Variants in DLG2 observed in about 807,000 individuals in gnomAD.
The protein encoded by DLG2 is disks large homolog 2.
Under a neutral mutation model 132.5 loss-of-function variants are expected in DLG2, and 45 were observed. That is an observed-to-expected ratio of 0.34 (90% CI 0.27 to 0.44). The LOEUF is 0.44. Ranked by LOEUF, DLG2 falls within the 20% of genes least tolerant of loss-of-function variation. The pLI, the probability that DLG2 is intolerant of heterozygous loss-of-function variation, is 1.00. For synonymous variants in DLG2, 424 were observed against 419.6 expected (o/e 1.01, Z -0.13); for missense variants, 1,045 against 1,196.9 (o/e 0.87, Z 1.87).
chr11:83,713,681 G>A (rs1290672446), intron 18 of DLG2, among the ~76,000 whole-genome samples: 1 of 152,192 alleles, frequency 6.6e-6, no homozygotes, highest in Non-Finnish European at 1.5e-5. Context: ...ATATGCAATG[G>A]AAAATATGCT....
At chr11:83,874,207 AAGAC>A (rs1181163234) in intron 16 of DLG2, among the ~76,000 whole-genome samples, 18 of 135,232 alleles carry the variant, frequency 1.3e-4, no homozygotes, top group Admixed American at 8.0e-4. Flanking sequence ...AAGAGAAAGA[AAGAC>A]AGAAAAAAAG....
At chr11:84,601,731 T>G (rs546077272) in intron 6 of DLG2, among the ~76,000 whole-genome samples, 14 of 152,238 alleles carry the variant, frequency 9.2e-5, no homozygotes, top group African/African-American at 3.4e-4. Context: ...TAAGTAAATT[T>G]AAAAAATATA....
At chr11:84,375,773 A>T (rs1475635954) in intron 7 of DLG2, among the ~76,000 whole-genome samples, 1 of 151,952 alleles carries the variant, frequency 6.6e-6, no homozygotes, top group Non-Finnish European at 1.5e-5. Flanking sequence ...CTGCTTTGTC[A>T]TTTATACATT....
chr11:85,121,778 C>T (rs561217816), intron 5 of DLG2, among the ~76,000 whole-genome samples: 18 of 152,280 alleles, frequency 1.2e-4, no homozygotes, highest in South Asian at 4.1e-4. Flanking sequence ...TGAATAGTTT[C>T]TCCATCAGAG....
intron 7 of DLG2, among the ~76,000 whole-genome samples, chr11:84,420,290 C>G (rs901928634): frequency 2.0e-5 from 3 of 152,202 alleles, no homozygotes; most frequent in African/African-American, 7.2e-5. Context: ...TTATGTTAGA[C>G]AGCAACCTGC....
chr11:84,442,275 T>G lies in DLG2; in HGVS notation c.519+92295A>C, dbSNP rs2099019512. ...ACCATGGAATGTTTTTCCATTTGTT[T>G]GTGTTCTCTTATTTCCTTGAGCAGT... On this transcript the variant is annotated intron_variant, in intron 7 of 27. Transcript: ENST00000376104. Among the ~76,000 whole-genome samples, 2 of 152,196 alleles carry G rather than the reference T, an allele frequency of 1.3e-5. 1 individual carries two copies. Among genetic ancestry groups the G allele is most frequent in the South Asian group, 4.1e-4 (2 of 4,826 alleles).
At chr11:83,851,646 G>A (rs936840045) in intron 16 of DLG2, among the ~76,000 whole-genome samples, 1 of 151,424 alleles carries the variant, frequency 6.6e-6, no homozygotes, top group Admixed American at 6.6e-5. Flanking sequence ...AAAAGGCGGG[G>A]CGTGGTGGCT....
At chr11:84,304,026 G>C (rs2098187258) in intron 7 of DLG2, among the ~76,000 whole-genome samples, 2 of 152,176 alleles carry the variant, frequency 1.3e-5, no homozygotes, top group African/African-American at 4.8e-5. Flanking sequence ...AGGAAATTCA[G>C]GTTAATGGCG....
chr11:84,438,710 A>G (rs1484850689), intron 7 of DLG2, among the ~76,000 whole-genome samples: 3 of 152,200 alleles, frequency 2.0e-5, no homozygotes, highest in Admixed American at 1.3e-4. Flanking sequence ...GTTTCTTCCA[A>G]TGAGAGATAA....
intron 9 of DLG2, among the ~76,000 whole-genome samples, chr11:84,157,214 A>G (rs74963956): frequency 0.012 from 1,880 of 152,304 alleles, 35 homozygotes; most frequent in African/African-American, 0.043. Context: ...AAGTTTATGT[A>G]TGTGCAATCA....
At chr11:84,707,817 A>T (rs1318631896) in intron 6 of DLG2, among the ~76,000 whole-genome samples, 3 of 151,868 alleles carry the variant, frequency 2.0e-5, no homozygotes. Flanking sequence ...TCATACAAAT[A>T]TATAAATAAA....
chr11:83,461,498 T>C (rs1246894610), intron 27 of DLG2: 3 of 152,648 alleles, frequency 2.0e-5, no homozygotes, highest in African/African-American at 7.2e-5. Context: ...GGTTGAGACT[T>C]GACACAGTGA....
intron 6 of DLG2, among the ~76,000 whole-genome samples, chr11:84,557,221 T>C (rs918163284): frequency 5.3e-5 from 8 of 152,172 alleles, no homozygotes; most frequent in African/African-American, 1.2e-4. Flanking sequence ...GAAATTATCA[T>C]TGATATTCTG....
intron 6 of DLG2, among the ~76,000 whole-genome samples, chr11:84,879,617 G>C (rs1376675479): frequency 6.6e-6 from 1 of 152,090 alleles, no homozygotes; most frequent in African/African-American, 2.4e-5. Context: ...TTGTAAGGCA[G>C]GATGGAGGTC....
At chr11:85,057,473 A>G (rs1005254582) in intron 6 of DLG2, among the ~76,000 whole-genome samples, 3 of 151,658 alleles carry the variant, frequency 2.0e-5, no homozygotes, top group Non-Finnish European at 4.4e-5. Context: ...AAACCAATAC[A>G]AGAGTAAATT....
chr11:84,261,139 T>C (rs1598562188), intron 7 of DLG2, among the ~76,000 whole-genome samples: 1 of 152,318 alleles, frequency 6.6e-6, no homozygotes, highest in Middle Eastern at 3.4e-3. Flanking sequence ...ATAACCTGGT[T>C]CTTTAGGTTA....
intron 19 of DLG2, among the ~76,000 whole-genome samples, chr11:83,600,236 G>GGTGTGTGTGTGTGTGTGTGTGT (rs57674131): frequency 8.9e-5 from 13 of 145,624 alleles, no homozygotes; most frequent in African/African-American, 2.8e-4. Flanking sequence ...CTAGCTATAG[G>GGTGTGTGTGTGTGTGTGTGTGT]GTGTGTGTGT....
intron 3 of DLG2, among the ~76,000 whole-genome samples, chr11:85,481,533 G>T (rs2093289671): frequency 6.6e-6 from 1 of 152,112 alleles, no homozygotes; most frequent in African/African-American, 2.4e-5. Flanking sequence ...GAAGGAGAGG[G>T]CAGTGAGTAC....
In DLG2 at chr11:84,534,535, A is replaced by C. The variant is rs776454599; in HGVS notation, c.519+35T>G. On this transcript the variant is annotated intron_variant, in intron 7 of 27. Coordinates refer to ENST00000376104, the MANE Select transcript of DLG2 (RefSeq NM_001142699.3). ...TTAGCAATTAAGACCAACTACTGTC[A>C]CCAACTATAAAGTCGGAAGAGCAAT... 409 of 1,602,518 alleles carry C rather than the reference A, an allele frequency of 2.6e-4. 1 individual carries two copies. The highest frequency in any genetic ancestry group is 1.3e-3 in the South Asian group (120 of 90,750).
Sources: gnomAD v4.1 joint callset for allele counts (sites outside exome capture counted in the v4.1 genomes callset) on GRCh38, gnomAD v4.1.1 for gene constraint, MANE v1.5 for transcripts, NCBI Gene and HGNC (gene_info 2026-07-23, HGNC 2026-07-21) for gene names.